Variants in MSRA observed in about 807,000 individuals in gnomAD.
MSRA encodes mitochondrial peptide methionine sulfoxide reductase.
MSRA carries 54 observed loss-of-function variants against 31.3 expected under a neutral mutation model. The observed-to-expected ratio is 1.73, with a 90% CI of 1.39 to 2.17. The LOEUF is 2.17. MSRA is among the 30% of genes most tolerant of loss of function. The pLI, the probability that MSRA is intolerant of heterozygous loss-of-function variation, is 0.00. For synonymous variants in MSRA, 169 were observed against 116.5 expected, an observed-to-expected ratio of 1.45 and a Z score of -2.90; for missense variants, 507 against 300.9, an observed-to-expected ratio of 1.69 and a Z score of -5.07.
At chr8:10,289,553 C>T (rs1327486371) in intron 3 of MSRA, among the ~76,000 whole-genome samples, 1 of 152,106 alleles carries the variant, frequency 6.6e-6, no homozygotes, top group Non-Finnish European at 1.5e-5. Flanking sequence ...TTGAAATGTA[C>T]AGTTAAATTA....
chr8:10,368,893 AC>A (rs555207555), intron 5 of MSRA, among the ~76,000 whole-genome samples: 233 of 152,256 alleles, frequency 1.5e-3, no homozygotes, highest in African/African-American at 5.5e-3. Flanking sequence ...CAGCCAGAAA[AC>A]CAAGCAAAGG....
intron 5 of MSRA, among the ~76,000 whole-genome samples, chr8:10,339,301 TA>T (rs1439122724): frequency 6.6e-6 from 1 of 152,206 alleles, no homozygotes; most frequent in Non-Finnish European, 1.5e-5. Context: ...CTTTTCTGGC[TA>T]AATAACTTTT....
At chr8:10,312,984 C>T (rs901539058) in intron 4 of MSRA, among the ~76,000 whole-genome samples, 1 of 152,180 alleles carries the variant, frequency 6.6e-6, no homozygotes, top group Non-Finnish European at 1.5e-5. Context: ...AATTTCTAAT[C>T]AGCATTGGAG....
At chr8:10,240,853 A>G (rs951078922) in intron 2 of MSRA, among the ~76,000 whole-genome samples, 1 of 151,034 alleles carries the variant, frequency 6.6e-6, no homozygotes, top group African/African-American at 2.4e-5. Flanking sequence ...CCATCCCCCA[A>G]ATCGGCCTTT....
intron 2 of MSRA, among the ~76,000 whole-genome samples, chr8:10,215,142 C>T (rs777233621): frequency 3.3e-5 from 5 of 152,156 alleles, no homozygotes; most frequent in Admixed American, 6.5e-5. Flanking sequence ...TAACACTTTA[C>T]TTGTATAGAG....
At chr8:10,358,298 C>T (rs1205207572) in intron 5 of MSRA, among the ~76,000 whole-genome samples, 1 of 152,164 alleles carries the variant, frequency 6.6e-6, no homozygotes, top group Non-Finnish European at 1.5e-5. Context: ...GTAATTATTA[C>T]AATAGTCCCA....
intron 1 of MSRA, among the ~76,000 whole-genome samples, chr8:10,060,296 C>G (rs936254324): frequency 6.6e-6 from 1 of 152,136 alleles, no homozygotes; most frequent in African/African-American, 2.4e-5. Context: ...TGTGGAACAT[C>G]TGTGTGAATG....
intron 1 of MSRA, among the ~76,000 whole-genome samples, chr8:10,158,103 C>T (rs1804316199): frequency 6.6e-6 from 1 of 152,194 alleles, no homozygotes; most frequent in African/African-American, 2.4e-5. Flanking sequence ...TCCTCACATG[C>T]TGGAAGGGCC....
intron 1 of MSRA, among the ~76,000 whole-genome samples, chr8:10,193,658 G>A (rs1023371838): frequency 3.9e-4 from 60 of 152,286 alleles, no homozygotes; most frequent in African/African-American, 1.3e-3. Context: ...AGAAAGGCAA[G>A]TGTAAAAAAG....
intron 5 of MSRA, among the ~76,000 whole-genome samples, chr8:10,387,043 TGG>T (rs1377928089): frequency 2.6e-5 from 4 of 152,064 alleles, no homozygotes; most frequent in Admixed American, 6.5e-5. Flanking sequence ...AGGTCCAGGG[TGG>T]GGCCTGAGCT....
chr8:10,075,545 A>G (rs540733409), intron 1 of MSRA, among the ~76,000 whole-genome samples: 4 of 152,358 alleles, frequency 2.6e-5, no homozygotes, highest in South Asian at 4.1e-4. Flanking sequence ...ACAAATATGT[A>G]AAAATATTGG....
chr8:10,054,504 C>G lies in MSRA; in HGVS notation c.-13C>G. ...GCCGTCCCCCGGGACCACCCTTCGG[C>G]TGGCGCCCTCCCATGCTCTCGGCCA... On this transcript the variant is annotated 5_prime_UTR_variant, in exon 1 of 6. Coordinates refer to ENST00000317173, the MANE Select transcript of MSRA (RefSeq NM_012331.5). The G allele has an allele frequency of 6.4e-7, 1 of 1,568,328 alleles. No individual in the cohort carries two copies. The highest frequency in any genetic ancestry group is 8.6e-7 in the Non-Finnish European group (1 of 1,158,318).
At chr8:10,153,511 T>G (rs1045954029) in intron 1 of MSRA, among the ~76,000 whole-genome samples, 5 of 91,066 alleles carry the variant, frequency 5.5e-5, no homozygotes, top group Non-Finnish European at 8.1e-5. Flanking sequence ...GACAGCTTTC[T>G]ACCTTCCTTT....
chr8:10,204,381 C>T (rs1808762307), intron 1 of MSRA, among the ~76,000 whole-genome samples: 1 of 152,242 alleles, frequency 6.6e-6, no homozygotes, highest in Admixed American at 6.5e-5. Flanking sequence ...TCCAGTCCTG[C>T]AAGCTCCATT....
intron 5 of MSRA, among the ~76,000 whole-genome samples, chr8:10,386,624 G>A (rs1806408299): frequency 1.3e-5 from 2 of 152,218 alleles, no homozygotes; most frequent in South Asian, 4.2e-4. Context: ...GCCTTACCTG[G>A]AGCTTCTGAT....
At chr8:10,161,832 C>T (rs892532192) in intron 1 of MSRA, among the ~76,000 whole-genome samples, 3 of 149,840 alleles carry the variant, frequency 2.0e-5, no homozygotes, top group Non-Finnish European at 4.4e-5. Flanking sequence ...CCGCCCCGCC[C>T]CTGATAACCA....
intron 4 of MSRA, among the ~76,000 whole-genome samples, chr8:10,314,129 G>T (rs1007446263): frequency 4.6e-5 from 7 of 151,832 alleles, no homozygotes; most frequent in African/African-American, 9.7e-5. Flanking sequence ...AACCGTAAAG[G>T]AAAAATATTT....
At chr8:10,120,574 A>C (rs887180503) in intron 1 of MSRA, among the ~76,000 whole-genome samples, 3 of 152,202 alleles carry the variant, frequency 2.0e-5, no homozygotes, top group African/African-American at 7.2e-5. Flanking sequence ...GTTCAATTAC[A>C]TTCGGATATT....
chr8:10,070,971 G>A (rs578034253), intron 1 of MSRA, among the ~76,000 whole-genome samples: 1 of 152,310 alleles, frequency 6.6e-6, no homozygotes, highest in African/African-American at 2.4e-5. Context: ...TCATGTCCAG[G>A]TTTTTGTGTG....
Sources: gnomAD v4.1 joint callset for allele counts (sites outside exome capture counted in the v4.1 genomes callset) on GRCh38, gnomAD v4.1.1 for gene constraint, MANE v1.5 for transcripts, NCBI Gene and HGNC (gene_info 2026-07-23, HGNC 2026-07-21) for gene names.